TOX3: variants seen among roughly 807,000 people sequenced by gnomAD.
TOX3 encodes CAG trinucleotide repeat-containing gene F9 protein.
In TOX3, 22 loss-of-function variants were observed where a neutral mutation model predicts 64.3. The ratio of observed to expected loss-of-function variants is 0.34; its 90% confidence interval spans 0.24 to 0.49. The LOEUF is 0.49. TOX3 is among the 20% of genes least tolerant of loss of function. The pLI is 0.99. For synonymous variants in TOX3, 291 were observed against 273.6 expected (o/e 1.06, Z -0.63); for missense variants, 661 against 714.4 (o/e 0.93, Z 0.85).
chr16:52,501,677 C>CA (rs1262600811), intron 1 of TOX3, among the ~76,000 whole-genome samples: 3,981 of 135,054 alleles, frequency 0.029, 207 homozygotes, highest in African/African-American at 0.13. Flanking sequence ...AACAAACAAA[C>CA]AAACAAAAAA....
chr16:52,459,190 C>G (rs1164828192), intron 3 of TOX3, among the ~76,000 whole-genome samples: 2 of 152,020 alleles, frequency 1.3e-5, no homozygotes, highest in Non-Finnish European at 2.9e-5. Context: ...GTGGCACACA[C>G]CTGTAGTCCA....
At chr16:52,524,845 T>G (rs1014351593) in intron 1 of TOX3, among the ~76,000 whole-genome samples, 2 of 152,120 alleles carry the variant, frequency 1.3e-5, no homozygotes, top group Non-Finnish European at 2.9e-5. Flanking sequence ...TTTTCTGCCT[T>G]TTCACAACTC....
At chr16:52,440,264 A>G (rs556762195) in intron 6 of TOX3, among the ~76,000 whole-genome samples, 5 of 152,264 alleles carry the variant, frequency 3.3e-5, no homozygotes, top group Middle Eastern at 3.4e-3. Flanking sequence ...CATGTGCATG[A>G]TGACAGACAT....
At chr16:52,452,489 G>A (rs1960382128) in intron 3 of TOX3, among the ~76,000 whole-genome samples, 1 of 150,124 alleles carries the variant, frequency 6.7e-6, no homozygotes, top group African/African-American at 2.5e-5. Context: ...GTCTATTGTT[G>A]TTGGACATTT....
At chr16:52,538,197 C>G (rs544756845) in intron 1 of TOX3, among the ~76,000 whole-genome samples, 1 of 152,078 alleles carries the variant, frequency 6.6e-6, no homozygotes, top group Non-Finnish European at 1.5e-5. Context: ...ATGGATCTAC[C>G]GAGTATATTT....
chr16:52,442,882 T>C (rs1960044892), intron 6 of TOX3, among the ~76,000 whole-genome samples: 1 of 152,222 alleles, frequency 6.6e-6, no homozygotes, highest in South Asian at 2.1e-4. Flanking sequence ...GTCATTGAAT[T>C]CTACCTGGAA....
intron 3 of TOX3, among the ~76,000 whole-genome samples, chr16:52,461,292 A>G (rs1960679222): frequency 6.6e-6 from 1 of 152,182 alleles, no homozygotes; most frequent in Admixed American, 6.5e-5. Flanking sequence ...ACGACAAGCA[A>G]ATCAAGGTTG....
chr16:52,496,715 A>T (rs1039110017), intron 1 of TOX3, among the ~76,000 whole-genome samples: 1 of 152,224 alleles, frequency 6.6e-6, no homozygotes, highest in Non-Finnish European at 1.5e-5. Context: ...TTTGGACAAA[A>T]AAGTGAGATC....
intron 1 of TOX3, among the ~76,000 whole-genome samples, chr16:52,496,036 C>A (rs28562017): frequency 0.22 from 33,845 of 152,088 alleles, 4,540 homozygotes; most frequent in South Asian, 0.36. Flanking sequence ...CTATCAGTTT[C>A]TCTCATTCTT....
At chr16:52,486,827 T>G (rs1365139070) in intron 1 of TOX3, among the ~76,000 whole-genome samples, 1 of 152,114 alleles carries the variant, frequency 6.6e-6, no homozygotes, top group Non-Finnish European at 1.5e-5. Context: ...TCCCAGCTAC[T>G]CTGGAGGCTG....
chr16:52,495,081 C>T (rs1201942334), intron 1 of TOX3, among the ~76,000 whole-genome samples: 1 of 152,200 alleles, frequency 6.6e-6, no homozygotes, highest in African/African-American at 2.4e-5. Context: ...TCCTTCTCTA[C>T]ATTCTCATTT....
intron 6 of TOX3, among the ~76,000 whole-genome samples, chr16:52,442,154 T>C (rs1395706212): frequency 6.6e-6 from 1 of 152,222 alleles, no homozygotes; most frequent in Non-Finnish European, 1.5e-5. Flanking sequence ...GAGTTCTTCC[T>C]TGCCTGCCTT....
intron 6 of TOX3, among the ~76,000 whole-genome samples, chr16:52,443,271 A>G (rs1163689532): frequency 6.6e-6 from 1 of 152,198 alleles, no homozygotes; most frequent in East Asian, 1.9e-4. Context: ...TGTGTCTTCC[A>G]GAGTCTGAGA....
chr16:52,498,218 A>G (rs1961899967), intron 1 of TOX3, among the ~76,000 whole-genome samples: 1 of 152,206 alleles, frequency 6.6e-6, no homozygotes, highest in South Asian at 2.1e-4. Context: ...AATCAATGGC[A>G]CTTCAAGCCG....
chr16:52,452,023 T>C (rs1367151067), intron 3 of TOX3, among the ~76,000 whole-genome samples: 1 of 152,074 alleles, frequency 6.6e-6, no homozygotes, highest in African/African-American at 2.4e-5. Flanking sequence ...GTCATGACAA[T>C]GAAAAATGTC....
intron 1 of TOX3, among the ~76,000 whole-genome samples, chr16:52,496,325 A>G (rs996276722): frequency 6.6e-6 from 1 of 152,196 alleles, no homozygotes; most frequent in Non-Finnish European, 1.5e-5. Context: ...TTGGCATATC[A>G]TTTGCCACTA....
intron 1 of TOX3, among the ~76,000 whole-genome samples, chr16:52,538,084 T>C (rs1238856274): frequency 6.6e-6 from 1 of 152,180 alleles, no homozygotes; most frequent in African/African-American, 2.4e-5. Context: ...ACAATCATTT[T>C]AACCACTTTT....
intron 2 of TOX3, among the ~76,000 whole-genome samples, chr16:52,465,981 GTTCCC>G (rs1960853597): frequency 6.6e-6 from 1 of 152,152 alleles, no homozygotes; most frequent in South Asian, 2.1e-4. Context: ...GGAACCCCTA[GTTCCC>G]AAACACAAAG....
At chr16:52,485,246 GTA>G (rs34195222) in intron 1 of TOX3, among the ~76,000 whole-genome samples, 5,389 of 127,706 alleles carry the variant, frequency 0.042, 284 homozygotes, top group African/African-American at 0.14. Context: ...ATGTGTGTGT[GTA>G]TATATATATA....
Sources: allele counts gnomAD v4.1 joint callset (sites outside exome capture counted in the v4.1 genomes callset), GRCh38; gene constraint gnomAD v4.1.1; transcripts MANE v1.5; gene names NCBI Gene and HGNC (gene_info 2026-07-23, HGNC 2026-07-21).